PRKG1: variants seen among roughly 807,000 people sequenced by gnomAD.
PRKG1 encodes protein kinase cGMP-dependent 1, also known as cGMP-dependent protein kinase 1.
In PRKG1, 35 loss-of-function variants were observed where a neutral mutation model predicts 88.1. The ratio of observed to expected loss-of-function variants is 0.40; its 90% confidence interval spans 0.30 to 0.53. The LOEUF is 0.53. PRKG1 is among the 20% of genes least tolerant of loss of function. The pLI, the probability that PRKG1 is intolerant of heterozygous loss-of-function variation, is 0.59. For synonymous variants in PRKG1, 303 were observed against 292.5 expected (o/e 1.04, Z -0.37); for missense variants, 540 against 839.8 (o/e 0.64, Z 4.41).
intron 7 of PRKG1, among the ~76,000 whole-genome samples, chr10:52,106,729 T>TAAGAATAAG (rs1261708349): frequency 6.8e-6 from 1 of 147,932 alleles, no homozygotes; most frequent in Non-Finnish European, 1.5e-5. Flanking sequence ...ATAATAATAA[T>TAAGAATAAG]AATAATAATA....
At position 51,094,072 on chromosome 10, in the gene PRKG1, G is replaced by A. The variant is rs906644512; in HGVS notation, c.311+19171G>A. On this transcript the variant is annotated intron_variant, in intron 1 of 17. Coordinates refer to ENST00000373980, the MANE Select transcript of PRKG1 (RefSeq NM_006258.4). Reference sequence around the variant, plus strand: ...AGTAGATGTGCAGTGAACAATGAGTGCTGTTTGTCTATCCGGATCTAGGCT... The same window carrying A: ...AGTAGATGTGCAGTGAACAATGAGTACTGTTTGTCTATCCGGATCTAGGCT... Among the ~76,000 whole-genome samples the A allele has an allele frequency of 2.0e-5, 3 of 151,936 alleles. No homozygotes were observed. The East Asian group carries it at 5.8e-4, about 29-fold the overall frequency.
chr10:51,501,202 T>C (rs116140856), intron 3 of PRKG1, among the ~76,000 whole-genome samples: 1,788 of 152,294 alleles, frequency 0.012, 37 homozygotes, highest in African/African-American at 0.038. Context: ...CTGTGGTTTA[T>C]AACCAAAGGA....
intron 4 of PRKG1, among the ~76,000 whole-genome samples, chr10:51,845,523 G>A (rs1430133154): frequency 6.6e-6 from 1 of 152,154 alleles, no homozygotes; most frequent in Non-Finnish European, 1.5e-5. Flanking sequence ...TATGTAAAAT[G>A]TGGACATTAA....
chr10:51,200,793 C>G (rs943284418), intron 2 of PRKG1, among the ~76,000 whole-genome samples: 10 of 152,120 alleles, frequency 6.6e-5, no homozygotes, highest in African/African-American at 2.4e-4. Context: ...CAACTGAAAG[C>G]AGAAACACAA....
At chr10:52,224,045 T>C (rs2132338353) in intron 9 of PRKG1, among the ~76,000 whole-genome samples, 1 of 152,222 alleles carries the variant, frequency 6.6e-6, no homozygotes, top group East Asian at 1.9e-4. Flanking sequence ...TTTTATAATA[T>C]AAATTAGAGG....
chr10:51,286,089 G>T (rs184340346), intron 2 of PRKG1, among the ~76,000 whole-genome samples: 1 of 152,282 alleles, frequency 6.6e-6, no homozygotes, highest in African/African-American at 2.4e-5. Context: ...TTGGATCTCA[G>T]CCACCCGAGT....
chr10:52,224,996 A>G (rs1840356934), intron 9 of PRKG1, among the ~76,000 whole-genome samples: 1 of 151,836 alleles, frequency 6.6e-6, no homozygotes, highest in African/African-American at 2.4e-5. Context: ...CTGGTTAGAT[A>G]TCCAGTAGTT....
intron 1 of PRKG1, among the ~76,000 whole-genome samples, chr10:51,123,407 C>CG (rs1564609130): frequency 6.6e-6 from 1 of 152,112 alleles, no homozygotes; most frequent in Non-Finnish European, 1.5e-5. Flanking sequence ...TACCTGAGCC[C>CG]GGGCCTGGTG....
intron 2 of PRKG1, among the ~76,000 whole-genome samples, chr10:51,271,531 T>C (rs1488095366): frequency 1.3e-5 from 2 of 152,326 alleles, no homozygotes; most frequent in East Asian, 3.9e-4. Context: ...TTAAAGTAAT[T>C]TAAAGTGATT....
At chr10:51,573,693 CATA>C (rs1837813764) in intron 3 of PRKG1, among the ~76,000 whole-genome samples, 1 of 151,818 alleles carries the variant, frequency 6.6e-6, no homozygotes, top group Non-Finnish European at 1.5e-5. Context: ...TTAGGCCCCA[CATA>C]ACCTTCAGCT....
chr10:51,721,212 TAAAAAAAA>T (rs55873432), intron 3 of PRKG1, among the ~76,000 whole-genome samples: 1 of 122,040 alleles, frequency 8.2e-6, no homozygotes, highest in Non-Finnish European at 1.7e-5. Context: ...CAAGACCTAT[TAAAAAAAA>T]AAAAAAAAAA....
intron 2 of PRKG1, among the ~76,000 whole-genome samples, chr10:51,318,743 T>C (rs1472383188): frequency 6.6e-6 from 1 of 152,202 alleles, no homozygotes; most frequent in Non-Finnish European, 1.5e-5. Context: ...TAGAGTATAT[T>C]ATGTTTAAAT....
rs143952144 is a variant in PRKG1 at position 51,859,619 on chromosome 10, C to CA, written c.699-47883dup. On this transcript the variant is annotated intron_variant, in intron 4 of 17. Transcript: ENST00000373980. ...TAACACTCTACCACAGATATTCTTA[C>CA]AAAAATGCACATGGCAATTACAGCA... is the stretch of plus-strand genomic sequence containing the variant. Among the ~76,000 whole-genome samples, 726 of 152,176 alleles carry CA rather than the reference C, an allele frequency of 4.8e-3. 9 individuals carry two copies. The highest frequency in any genetic ancestry group is 0.017 in the African/African-American group (694 of 41,514).
chr10:52,006,074 A>C (rs961468167), intron 5 of PRKG1, among the ~76,000 whole-genome samples: 1 of 135,348 alleles, frequency 7.4e-6, no homozygotes, highest in African/African-American at 2.8e-5. Flanking sequence ...CAAATAAGAT[A>C]AAAGAAAACA....
chr10:51,099,409 A>ACACACT (rs1464228719), intron 1 of PRKG1, among the ~76,000 whole-genome samples: 2 of 151,336 alleles, frequency 1.3e-5, no homozygotes, highest in Non-Finnish European at 3.0e-5. Flanking sequence ...ACACACACAC[A>ACACACT]CACTCACTCA....
intron 2 of PRKG1, among the ~76,000 whole-genome samples, chr10:51,186,255 C>CT (rs946264251): frequency 6.6e-5 from 10 of 151,640 alleles, no homozygotes; most frequent in African/African-American, 1.4e-4. Flanking sequence ...CTTCCCAATT[C>CT]TTTTTTTAAT....
chr10:51,062,923 A>G (rs1268956608), intron 1 of PRKG1: 1 of 152,162 alleles, frequency 6.6e-6, no homozygotes, highest in East Asian at 1.9e-4. Context: ...TGCCCGGCCC[A>G]ACAGTCTCTA....
chr10:52,250,749 A>T (rs999198861), intron 9 of PRKG1, among the ~76,000 whole-genome samples: 4 of 152,154 alleles, frequency 2.6e-5, no homozygotes, highest in Admixed American at 2.0e-4. Flanking sequence ...TTTGACAAGG[A>T]TATATTTTAA....
chr10:51,998,586 G>A (rs921115711), intron 5 of PRKG1, among the ~76,000 whole-genome samples: 1 of 152,090 alleles, frequency 6.6e-6, no homozygotes, highest in African/African-American at 2.4e-5. Flanking sequence ...GTTGCAAACA[G>A]ATGTCTAATA....
Sources: allele counts gnomAD v4.1 joint callset (sites outside exome capture counted in the v4.1 genomes callset), GRCh38; gene constraint gnomAD v4.1.1; transcripts MANE v1.5; gene names NCBI Gene and HGNC (gene_info 2026-07-23, HGNC 2026-07-21).